The following ANKS1A variants were observed in gnomAD, a reference collection of about 807,000 sequenced individuals.
The protein encoded by ANKS1A is ankyrin repeat and sterile alpha motif domain containing 1A.
Under a neutral mutation model 120.3 loss-of-function variants are expected in ANKS1A, and 55 were observed. The observed-to-expected ratio is 0.46, with a 90% CI of 0.37 to 0.57. The LOEUF is 0.57. Among genes scored for constraint, ANKS1A ranks in the 20% least tolerant of loss-of-function variants. ANKS1A has a pLI of 0.00. For missense variants in ANKS1A, 1,123 were observed against 1,480.3 expected (o/e 0.76, Z 3.96); for synonymous variants, 590 against 604.7 (o/e 0.98, Z 0.36).
chr6:34,940,707 G>A (rs536477959), intron 1 of ANKS1A, among the ~76,000 whole-genome samples: 6 of 151,960 alleles, frequency 3.9e-5, no homozygotes, highest in East Asian at 2.0e-4. Context: ...TCAGGAGTTC[G>A]AGACCAGCCT....
At chr6:35,070,286 C>T (rs997143545) in intron 13 of ANKS1A, among the ~76,000 whole-genome samples, 2 of 152,024 alleles carry the variant, frequency 1.3e-5, no homozygotes, top group Non-Finnish European at 2.9e-5. Flanking sequence ...GCTTAACCCC[C>T]ATCTTCCTAG....
chr6:35,045,379 CCATGAGTGACGACTTTTTTT>C (rs1775670404), intron 11 of ANKS1A, among the ~76,000 whole-genome samples: 1 of 152,146 alleles, frequency 6.6e-6, no homozygotes, highest in Non-Finnish European at 1.5e-5. Context: ...AGCAATGATC[CCATGAGTGACGACTTTTTTT>C]CACCTTATAG....
chr6:35,070,826 TTGTG>T lies in ANKS1A; in HGVS notation c.2185-7715_2185-7712del, dbSNP rs140599618. The stretch of plus-strand genomic sequence containing the variant: ...ACCCAGACACCCCTTTCTTTTTTCT[TTGTG>T]TGTGTGTGTGTGTGTGCGCGCCAAA... On this transcript the variant is annotated intron_variant, in intron 13 of 23. Coordinates refer to ENST00000360359, the MANE Select transcript of ANKS1A (RefSeq NM_015245.3). 761 of 483,080 alleles carry T rather than the reference TTGTG, an allele frequency of 1.6e-3. 2 individuals are homozygous for T. Among genetic ancestry groups the T allele is most frequent in the East Asian group, 0.011 (221 of 20,918 alleles). 29.9% of individuals were successfully genotyped at this position (483,080 alleles called of 1,614,324 possible).
At position 35,091,264 on chromosome 6, in the gene ANKS1A, C is replaced by T; in HGVS notation, c.*2655C>T. The T allele has an allele frequency of 1.0e-6, 1 of 985,844 alleles. No homozygotes were observed. The highest frequency in any genetic ancestry group is 1.2e-6 in the Non-Finnish European group (1 of 829,940). The allele number at this position is 985,844 out of a possible 1,614,324, so 61.1% of individuals were successfully genotyped here. A position where few individuals can be genotyped will look rare whatever the true frequency, so the allele number is the denominator to read the frequency against. ...AACACTTTGAGGTACCAAACATAAC[C>T]AATCTGTGCAACAACATAGACTGAC... On this transcript the variant is annotated 3_prime_UTR_variant, in exon 24 of 24. Coordinates refer to ENST00000360359, the MANE Select transcript of ANKS1A (RefSeq NM_015245.3).
In ANKS1A at chr6:35,017,696, G is replaced by A. The variant is rs1209712034; in HGVS notation, c.1647G>A (p.Val549=). ...KASMQLEETG[V]HAPGASQPSA... ...GCATGCAGCTGGAGGAGACGGGTGT[G>A]CATGCTCCTGGAGCCTCCCAGCCCA... Residue 549 remains valine (V), a synonymous_variant, in exon 11 of 24, where the codon GTG becomes GTA. Coordinates refer to ENST00000360359, the MANE Select transcript of ANKS1A (RefSeq NM_015245.3). 2 of 1,613,878 alleles carry A rather than the reference G, an allele frequency of 1.2e-6. No homozygotes were observed. Among genetic ancestry groups the A allele is most frequent in the Non-Finnish European group, 1.7e-6 (2 of 1,180,030 alleles).
At position 35,084,526 on chromosome 6, in the gene ANKS1A, C is replaced by A. The variant is rs1384374259; in HGVS notation, c.3132+268C>A. ...TTTTTTTTTAAGAGATGGAGTCTCA[C>A]TATGTTGCCCAGGCTTGCCTTGCAC... On this transcript the variant is annotated intron_variant, in intron 21 of 23. Transcript: ENST00000360359. The surrounding 1 kb of genome is among the most constrained non-coding windows in gnomAD (Gnocchi z 4.8). Among the ~76,000 whole-genome samples, 1 of 148,734 alleles carries A rather than the reference C, an allele frequency of 6.7e-6. No homozygotes were observed. Among genetic ancestry groups the A allele is most frequent in the Non-Finnish European group, 1.5e-5 (1 of 67,540 alleles).
chr6:34,896,521 G>T (rs1767094956), intron 1 of ANKS1A, among the ~76,000 whole-genome samples: 1 of 152,198 alleles, frequency 6.6e-6, no homozygotes, highest in South Asian at 2.1e-4. Context: ...ACAAAAAAAG[G>T]TAACATGCTT....
chr6:34,971,188 G>A (rs760274247), intron 3 of ANKS1A, among the ~76,000 whole-genome samples: 14 of 152,304 alleles, frequency 9.2e-5, no homozygotes, highest in Middle Eastern at 3.4e-3. Flanking sequence ...GGAGGTCAGA[G>A]GTGATTCAGT....
At chr6:34,960,110 C>T (rs540295716) in intron 1 of ANKS1A, among the ~76,000 whole-genome samples, 89 of 152,270 alleles carry the variant, frequency 5.8e-4, no homozygotes, top group African/African-American at 2.0e-3. Context: ...GTCAGGCACG[C>T]TCCTTCCCAG....
At chr6:35,064,071 C>T (rs893947231) in intron 13 of ANKS1A, among the ~76,000 whole-genome samples, 47 of 152,280 alleles carry the variant, frequency 3.1e-4, no homozygotes, top group African/African-American at 1.1e-3. Flanking sequence ...CCTGACCAGG[C>T]GGGAGAGATG....
chr6:35,046,367 C>G (rs140885045), intron 11 of ANKS1A, among the ~76,000 whole-genome samples: 4 of 152,180 alleles, frequency 2.6e-5, no homozygotes, highest in African/African-American at 4.8e-5. Context: ...CTTCGCCTCT[C>G]GGGCATGTCT....
At chr6:34,976,283 A>G (rs953115588) in intron 3 of ANKS1A, among the ~76,000 whole-genome samples, 2 of 152,174 alleles carry the variant, frequency 1.3e-5, no homozygotes, top group Non-Finnish European at 2.9e-5. Flanking sequence ...ACCTGTACAA[A>G]TTAAGAAGTC....
At chr6:34,983,072 A>C in intron 5 of ANKS1A, 41 bp from the exon 6 acceptor site, 1 of 1,588,854 alleles carries the variant, frequency 6.3e-7, no homozygotes, top group Middle Eastern at 1.7e-4. Context: ...GGCTGGCTTG[A>C]AAATGCTCAC....
chr6:35,087,876 C>G (rs907810561), intron 23 of ANKS1A, among the ~76,000 whole-genome samples: 2 of 152,222 alleles, frequency 1.3e-5, no homozygotes, highest in African/African-American at 2.4e-5. Flanking sequence ...GTGGACAGCC[C>G]CTCTATCTTC....
intron 10 of ANKS1A, among the ~76,000 whole-genome samples, chr6:35,016,734 A>G (rs1774022106): frequency 6.7e-6 from 1 of 148,388 alleles, no homozygotes; most frequent in Non-Finnish European, 1.5e-5. Flanking sequence ...CAGCTGGGAG[A>G]TTTTGGAAGA....
chr6:34,967,051 A>G (rs1200345868), intron 1 of ANKS1A, among the ~76,000 whole-genome samples, 188 bp from the exon 2 acceptor site: 2 of 152,230 alleles, frequency 1.3e-5, no homozygotes, highest in African/African-American at 4.8e-5. Context: ...AAACCATTGC[A>G]GTGTACCCTC....
intron 3 of ANKS1A, among the ~76,000 whole-genome samples, chr6:34,978,015 G>A (rs1213057389): frequency 1.3e-5 from 2 of 151,934 alleles, no homozygotes; most frequent in African/African-American, 2.4e-5. Flanking sequence ...CTGGAGTGCA[G>A]TGGTGCAATC....
At chr6:34,954,745 C>G (rs1038642161) in intron 1 of ANKS1A, among the ~76,000 whole-genome samples, 5 of 152,312 alleles carry the variant, frequency 3.3e-5, no homozygotes, top group African/African-American at 1.2e-4. Flanking sequence ...CGTCAGCATC[C>G]TTTGTGCATC....
intron 11 of ANKS1A, 26 bp from the exon 12 acceptor site, chr6:35,054,073 C>G: frequency 3.7e-6 from 6 of 1,608,082 alleles, no homozygotes; most frequent in Non-Finnish European, 5.1e-6. Context: ...GACTGCCTCT[C>G]CTCTTTGTTC....
Sources: allele counts gnomAD v4.1 joint callset (sites outside exome capture counted in the v4.1 genomes callset), GRCh38; gene constraint gnomAD v4.1.1; non-coding constraint Gnocchi (gnomAD v3.1); transcripts MANE v1.5; gene names NCBI Gene and HGNC (gene_info 2026-07-23, HGNC 2026-07-21).